The following MGMT variants were observed in gnomAD, a reference collection of about 807,000 sequenced individuals.
MGMT encodes the protein O-6-methylguanine-DNA methyltransferase.
In MGMT, 14 loss-of-function variants were observed where a neutral mutation model predicts 15.9. The ratio of observed to expected loss-of-function variants is 0.88; its 90% CI spans 0.58 to 1.37. The LOEUF is 1.37. Ranked by LOEUF, MGMT falls within the 40% of genes most tolerant of loss-of-function variation. The pLI is 0.00. For synonymous variants in MGMT, 130 were observed against 118.2 expected, an observed-to-expected ratio of 1.10 and a Z score of -0.65; for missense variants, 282 against 268.1, an observed-to-expected ratio of 1.05 and a Z score of -0.36.
At chr10:129,550,605 C>T (rs1260286915) in intron 2 of MGMT, among the ~76,000 whole-genome samples, 1 of 152,082 alleles carries the variant, frequency 6.6e-6, no homozygotes, top group Non-Finnish European at 1.5e-5. Flanking sequence ...CGCCACCACG[C>T]CCAGCTAATT....
chr10:129,555,820 T>A (rs979264702), intron 2 of MGMT, among the ~76,000 whole-genome samples: 4 of 152,078 alleles, frequency 2.6e-5, no homozygotes, highest in Non-Finnish European at 4.4e-5. Context: ...AGATGGGAGG[T>A]GAAAAGTAGC....
At chr10:129,662,641 G>A (rs111925711) in intron 2 of MGMT, among the ~76,000 whole-genome samples, 191 of 152,242 alleles carry the variant, frequency 1.3e-3, no homozygotes, top group Non-Finnish European at 2.0e-3. Flanking sequence ...GAAATTTCAC[G>A]TTGGCTTGGT....
At chr10:129,686,827 A>T (rs926314343) in intron 2 of MGMT, among the ~76,000 whole-genome samples, 1 of 152,224 alleles carries the variant, frequency 6.6e-6, no homozygotes, top group South Asian at 2.1e-4. Flanking sequence ...CCGGGAGAGA[A>T]GTGAGAACAG....
chr10:129,749,006 G>C (rs960311474), intron 3 of MGMT, among the ~76,000 whole-genome samples: 1 of 152,174 alleles, frequency 6.6e-6, no homozygotes, highest in East Asian at 1.9e-4. Context: ...TCACTTTCAA[G>C]TTACTTTTGG....
chr10:129,646,620 C>T (rs1379085654), intron 2 of MGMT, among the ~76,000 whole-genome samples: 4 of 150,032 alleles, frequency 2.7e-5, no homozygotes, highest in East Asian at 3.9e-4. Context: ...GTTTCCATCC[C>T]GTGGCAGCTT....
At chr10:129,564,227 TCCCC>T (rs1444249207) in intron 2 of MGMT, 22 of 58,984 alleles carry the variant, frequency 3.7e-4, no homozygotes, top group South Asian at 2.2e-3. Context: ...CCTTCCCCCT[TCCCC>T]CTCCTCTTCC....
At chr10:129,646,727 T>C (rs1239705335) in intron 2 of MGMT, among the ~76,000 whole-genome samples, 32 of 40,136 alleles carry the variant, frequency 8.0e-4, no homozygotes, top group African/African-American at 3.6e-3. Flanking sequence ...GAAATATATA[T>C]ATATATATAT....
chr10:129,475,194 T>C (rs1399265558), intron 1 of MGMT, among the ~76,000 whole-genome samples: 1 of 151,584 alleles, frequency 6.6e-6, no homozygotes, highest in Non-Finnish European at 1.5e-5. Flanking sequence ...AGATGGGAGG[T>C]CCTATGAGGG....
intron 2 of MGMT, among the ~76,000 whole-genome samples, chr10:129,593,301 C>T (rs1163233047): frequency 2.0e-5 from 3 of 152,178 alleles, no homozygotes; most frequent in African/African-American, 4.8e-5. Context: ...TGAGAAGGCT[C>T]GGAAGCCTCC....
intron 1 of MGMT, among the ~76,000 whole-genome samples, chr10:129,485,128 T>C (rs1356699182): frequency 6.6e-6 from 1 of 152,182 alleles, no homozygotes; most frequent in East Asian, 1.9e-4. Context: ...TTTGGGCTGC[T>C]ACTTCTGGGC....
At chr10:129,732,980 C>A (rs569746904) in intron 3 of MGMT, among the ~76,000 whole-genome samples, 14 of 151,572 alleles carry the variant, frequency 9.2e-5, no homozygotes, top group African/African-American at 2.9e-4. Context: ...GGGTTGGTTC[C>A]AAGTCTTTGC....
intron 2 of MGMT, among the ~76,000 whole-genome samples, chr10:129,587,487 ATTTTTC>A (rs985417904): frequency 3.5e-5 from 5 of 143,078 alleles, no homozygotes; most frequent in African/African-American, 1.3e-4. Context: ...TTATATCTTA[ATTTTTC>A]TTTTTCTTTT....
intron 2 of MGMT, among the ~76,000 whole-genome samples, chr10:129,670,907 A>G (rs1158573038): frequency 6.6e-6 from 1 of 152,218 alleles, no homozygotes; most frequent in Non-Finnish European, 1.5e-5. Context: ...ATCTCAATTT[A>G]CTTGACTTTA....
intron 2 of MGMT, among the ~76,000 whole-genome samples, chr10:129,655,196 G>A (rs546396573): frequency 3.3e-5 from 5 of 152,192 alleles, no homozygotes; most frequent in Admixed American, 6.5e-5. Flanking sequence ...TGGGGGCCCC[G>A]CGGAGGGCCT....
Position 129,536,223 on chromosome 10 carries a change from A to G in MGMT, c.-12-18A>G, listed in dbSNP as rs1244428706. The G allele has an allele frequency of 3.1e-6, 5 of 1,613,424 alleles. No individual in the cohort carries two copies. The highest frequency in any genetic ancestry group is 4.2e-6 in the Non-Finnish European group (5 of 1,179,804). On this transcript the variant is annotated intron_variant, in intron 1 of 4. Transcript: ENST00000651593. ...CCTCTTACCTATACACTTTGTCTTA[A>G]AAATTATTTCTGTTTAGGTACTTGG... is the stretch of plus-strand genomic sequence containing the variant.
intron 2 of MGMT, among the ~76,000 whole-genome samples, chr10:129,647,170 A>T (rs1345501411): frequency 1.3e-5 from 2 of 151,922 alleles, no homozygotes; most frequent in Non-Finnish European, 2.9e-5. Context: ...TAGGCACTTC[A>T]CCTGCTCTGC....
At chr10:129,759,403 A>G in intron 4 of MGMT, 62 bp downstream of exon 4, 1 of 1,608,846 alleles carries the variant, frequency 6.2e-7, no homozygotes, top group East Asian at 2.2e-5. Flanking sequence ...GCAGGGTGTC[A>G]TCTGATCCCA....
At chr10:129,657,727 A>ACACACACC (rs1564750914) in intron 2 of MGMT, among the ~76,000 whole-genome samples, 2 of 138,124 alleles carry the variant, frequency 1.4e-5, no homozygotes, top group African/African-American at 2.6e-5. Context: ...ACACACACAC[A>ACACACACC]CCCCCTCTCC....
At chr10:129,612,518 A>T (rs1272737697) in intron 2 of MGMT, among the ~76,000 whole-genome samples, 1 of 152,134 alleles carries the variant, frequency 6.6e-6, no homozygotes, top group Non-Finnish European at 1.5e-5. Flanking sequence ...TATACCCGGG[A>T]ATGTTAGTTG....
Sources: allele counts gnomAD v4.1 joint callset (sites outside exome capture counted in the v4.1 genomes callset), GRCh38; gene constraint gnomAD v4.1.1; transcripts MANE v1.5; gene names NCBI Gene and HGNC (gene_info 2026-07-23, HGNC 2026-07-21).